The following XYLT1 variants were observed in gnomAD, a reference collection of about 807,000 sequenced individuals.
XYLT1 encodes the protein xylosyltransferase 1, also known as beta-D-xylosyltransferase 1.
XYLT1 carries 36 observed loss-of-function variants against 91.3 expected under a neutral mutation model. The ratio of observed to expected loss-of-function variants is 0.39; its 90% CI spans 0.30 to 0.52. The LOEUF (loss-of-function observed/expected upper bound fraction) is 0.52. Ranked by LOEUF, XYLT1 falls within the 20% of genes least tolerant of loss-of-function variation. The pLI, the probability that XYLT1 is intolerant of heterozygous loss-of-function variation, is 0.68. For synonymous variants in XYLT1, 588 were observed against 532.0 expected (o/e 1.11, Z -1.45); for missense variants, 1,242 against 1,284.5 (o/e 0.97, Z 0.51).
chr16:17,221,060 T>C (rs1239561532), intron 3 of XYLT1, among the ~76,000 whole-genome samples: 3 of 152,212 alleles, frequency 2.0e-5, no homozygotes, highest in Non-Finnish European at 4.4e-5. Context: ...TTTCCACCCT[T>C]ACGGCTTCAT....
intron 2 of XYLT1, among the ~76,000 whole-genome samples, chr16:17,274,621 G>T (rs2033944272): frequency 6.6e-6 from 1 of 152,040 alleles, no homozygotes; most frequent in Non-Finnish European, 1.5e-5. Context: ...TTCATCAAGG[G>T]TGTGGAGCCT....
At chr16:17,139,563 G>C (rs1374888769) in intron 7 of XYLT1, among the ~76,000 whole-genome samples, 1 of 152,102 alleles carries the variant, frequency 6.6e-6, no homozygotes, top group South Asian at 2.1e-4. Context: ...GGCTCCAGCC[G>C]CCACCCCCTG....
chr16:17,456,644 G>A (rs564725925), intron 1 of XYLT1, among the ~76,000 whole-genome samples: 2 of 152,262 alleles, frequency 1.3e-5, no homozygotes, highest in Non-Finnish European at 2.9e-5. Flanking sequence ...CCCGGCAACA[G>A]TACCAACTTT....
At chr16:17,394,363 AT>A (rs1436988656) in intron 1 of XYLT1, among the ~76,000 whole-genome samples, 4 of 152,162 alleles carry the variant, frequency 2.6e-5, no homozygotes, top group African/African-American at 7.2e-5. Context: ...TCATGGAGGT[AT>A]CTTCTCCATG....
intron 3 of XYLT1, among the ~76,000 whole-genome samples, chr16:17,210,807 A>G (rs977078451): frequency 3.3e-5 from 5 of 152,086 alleles, no homozygotes; most frequent in South Asian, 2.1e-4. Context: ...TCTTTTTTCA[A>G]TTCTTACCCA....
rs114032393 is a variant in XYLT1 at position 17,109,225 on chromosome 16, A to G, written c.2558-208T>C. On this transcript the variant is annotated intron_variant, in intron 11 of 11. Coordinates refer to ENST00000261381, the MANE Select transcript of XYLT1 (RefSeq NM_022166.4). ...GGACAGAGCCCACTTTGTACAGGGCACGGTGCATGCCTTTATTCATTCAAC... is the reference window on the plus strand; with the variant it reads ...GGACAGAGCCCACTTTGTACAGGGCGCGGTGCATGCCTTTATTCATTCAAC... Among the ~76,000 whole-genome samples the G allele has an allele frequency of 8.6e-3, 1,306 of 152,328 alleles. 16 individuals carry two copies. Among genetic ancestry groups the G allele is most frequent in the African/African-American group, 0.029 (1,224 of 41,570 alleles).
chr16:17,218,186 G>C (rs1173980552), intron 3 of XYLT1, among the ~76,000 whole-genome samples: 1 of 151,748 alleles, frequency 6.6e-6, no homozygotes, highest in African/African-American at 2.4e-5. Flanking sequence ...TGAACCCAGG[G>C]GGTGGAGGTT....
At chr16:17,455,045 G>T (rs1416233800) in intron 1 of XYLT1, among the ~76,000 whole-genome samples, 2 of 151,702 alleles carry the variant, frequency 1.3e-5, no homozygotes, top group Non-Finnish European at 2.9e-5. Flanking sequence ...ACTCCCAGAC[G>T]CAATGTTAAC....
At chr16:17,307,547 CAG>C (rs1186470868) in intron 2 of XYLT1, among the ~76,000 whole-genome samples, 1 of 152,122 alleles carries the variant, frequency 6.6e-6, no homozygotes, top group East Asian at 1.9e-4. Flanking sequence ...GTTTTTATGG[CAG>C]AGAGAGAGCC....
At chr16:17,369,268 T>C (rs2035496279) in intron 1 of XYLT1, among the ~76,000 whole-genome samples, 1 of 152,034 alleles carries the variant, frequency 6.6e-6, no homozygotes, top group Non-Finnish European at 1.5e-5. Flanking sequence ...GAGCTGGGAT[T>C]ACAGGCACAT....
chr16:17,129,671 C>G (rs2030398586), intron 9 of XYLT1, among the ~76,000 whole-genome samples: 1 of 152,164 alleles, frequency 6.6e-6, no homozygotes, highest in Non-Finnish European at 1.5e-5. Flanking sequence ...TGTCTCCCAA[C>G]CCACTAGCAA....
chr16:17,201,454 C>T (rs953765442), intron 3 of XYLT1, among the ~76,000 whole-genome samples: 33 of 151,842 alleles, frequency 2.2e-4, no homozygotes, highest in African/African-American at 8.0e-4. Flanking sequence ...TTTGTTAGAA[C>T]TACTACATAA....
intron 10 of XYLT1, 128 bp from the exon 11 acceptor site, chr16:17,118,107 C>G: frequency 2.1e-6 from 2 of 935,082 alleles, no homozygotes; most frequent in Admixed American, 2.9e-5. Flanking sequence ...GAGGCTCCAA[C>G]TAAGTCACCT....
Position 17,133,325 on chromosome 16 carries a change from A to C in XYLT1, c.2027+1148T>G, listed in dbSNP as rs763497583. 1.5e-4 allele frequency among the ~76,000 whole-genome samples: 23 copies of C among 152,208 alleles called. 1 individual carries two copies. The highest frequency in any genetic ancestry group is 1.8e-4 in the Non-Finnish European group (12 of 68,038). On this transcript the variant is annotated intron_variant, in intron 9 of 11. Coordinates refer to ENST00000261381, the MANE Select transcript of XYLT1 (RefSeq NM_022166.4). The stretch of plus-strand genomic sequence containing the variant: ...AAAAAAAAAGATGCTATGTTGTTAA[A>C]TGAACAAGAAAAAGAAGGAGAGTGA...
intron 3 of XYLT1, among the ~76,000 whole-genome samples, chr16:17,204,554 G>T (rs192407999): frequency 6.6e-6 from 1 of 152,054 alleles, no homozygotes; most frequent in South Asian, 2.1e-4. Flanking sequence ...GGATGGGGAT[G>T]GGGGGCAGAG....
chr16:17,132,137 C>T (rs377408742), intron 9 of XYLT1, among the ~76,000 whole-genome samples: 106 of 152,276 alleles, frequency 7.0e-4, no homozygotes, highest in South Asian at 4.8e-3. Flanking sequence ...TATTATGGAA[C>T]GACATTTGCC....
intron 2 of XYLT1, among the ~76,000 whole-genome samples, chr16:17,275,562 T>A (rs772207951): frequency 3.2e-4 from 49 of 152,270 alleles, no homozygotes; most frequent in Middle Eastern, 3.4e-3. Flanking sequence ...TGTGATTCAT[T>A]CTCTACCTCT....
At chr16:17,224,369 C>G (rs2033025981) in intron 3 of XYLT1, among the ~76,000 whole-genome samples, 1 of 152,214 alleles carries the variant, frequency 6.6e-6, no homozygotes, top group Non-Finnish European at 1.5e-5. Context: ...CTATGAAGAC[C>G]AGGCACGTGC....
At position 17,365,069 on chromosome 16, in the gene XYLT1, C is replaced by T. The variant is rs1026032907; in HGVS notation, c.364-7019G>A. 7.2e-5 allele frequency among the ~76,000 whole-genome samples: 11 copies of T among 152,200 alleles called. No homozygotes were observed. The East Asian group carries it at 1.3e-3, about 19-fold the overall frequency. Reference sequence around the variant, plus strand: ...CCAGCCATCAAGTGTCGGATGCATGCGTGAAACTCTTAAGAGCGTTGGTGT... The same window carrying T: ...CCAGCCATCAAGTGTCGGATGCATGTGTGAAACTCTTAAGAGCGTTGGTGT... On this transcript the variant is annotated intron_variant, in intron 1 of 11. Transcript: ENST00000261381.
Sources: gnomAD v4.1 joint callset for allele counts (sites outside exome capture counted in the v4.1 genomes callset) on GRCh38, gnomAD v4.1.1 for gene constraint, MANE v1.5 for transcripts, NCBI Gene and HGNC (gene_info 2026-07-23, HGNC 2026-07-21) for gene names.